The following KIAA0513 variants were observed in gnomAD, a reference collection of about 807,000 sequenced individuals.
KIAA0513 encodes the protein KIAA0513.
KIAA0513 carries 39 observed loss-of-function variants against 56.5 expected under a neutral mutation model. The ratio of observed to expected loss-of-function variants is 0.69; its 90% CI spans 0.53 to 0.90. KIAA0513 has a LOEUF of 0.90. KIAA0513 is among the 40% of genes least tolerant of loss of function. The pLI is 0.00. For missense variants in KIAA0513, 591 were observed against 535.2 expected, an observed-to-expected ratio of 1.10 and a Z score of -1.03; for synonymous variants, 268 against 215.6, an observed-to-expected ratio of 1.24 and a Z score of -2.13.
Position 85,067,070 on chromosome 16 carries a change from C to G in KIAA0513, c.-2C>G, listed in dbSNP as rs1254082072. ...CAGCCTCACCAGCAGCTCCCCTGAG[C>G]CATGGAGACCCCAGAGGTCCCCGTG... On this transcript the variant is annotated 5_prime_UTR_variant, in exon 2 of 13. Coordinates refer to ENST00000683363, the MANE Select transcript of KIAA0513 (RefSeq NM_001388359.1). 1.3e-6 allele frequency: 2 copies of G among 1,559,700 alleles called. No homozygotes were observed. The highest frequency in any genetic ancestry group is 2.7e-5 in the African/African-American group (2 of 73,964).
intron 1 of KIAA0513, among the ~76,000 whole-genome samples, chr16:85,060,738 G>A (rs562930340): frequency 6.6e-6 from 1 of 151,982 alleles, no homozygotes; most frequent in East Asian, 1.9e-4. Context: ...CAGCTACTCA[G>A]GAGGCTGAGA....
rs1473146048 is a variant in KIAA0513 at position 85,075,101 on chromosome 16, A to T, written c.504-743A>T. On this transcript the variant is annotated intron_variant, in intron 4 of 12. Transcript: ENST00000683363. ...AGACAATATGGGATTTTTTAGTTTTATAATCTTTAGTTTGTTAAACATCTA... is the reference window on the plus strand; with the variant it reads ...AGACAATATGGGATTTTTTAGTTTTTTAATCTTTAGTTTGTTAAACATCTA... 4.7e-5 allele frequency among the ~76,000 whole-genome samples: 7 copies of T among 149,720 alleles called. No homozygotes were observed. The East Asian group carries it at 1.3e-3, about 29-fold the overall frequency.
intron 1 of KIAA0513, among the ~76,000 whole-genome samples, chr16:85,052,165 C>G (rs991555623): frequency 5.9e-5 from 9 of 151,964 alleles, no homozygotes; most frequent in African/African-American, 2.2e-4. Context: ...ACTAAAAATA[C>G]AAAAATTAGC....
Position 85,081,521 on chromosome 16 carries a change from A to C in KIAA0513, c.980+129A>C, listed in dbSNP as rs928533342. 5 of 836,686 alleles carry C rather than the reference A, an allele frequency of 6.0e-6. No homozygotes were observed. Among genetic ancestry groups the C allele is most frequent in the Non-Finnish European group, 9.8e-6 (5 of 508,174 alleles). 51.8% of individuals were successfully genotyped at this position (836,686 alleles called of 1,614,324 possible). A position where few individuals can be genotyped will look rare whatever the true frequency, so the allele number is the denominator to read the frequency against. ...GTGTCTGTTTTTTCTTCACCCCCTC[A>C]TGGCCCTGGTGCCTCGCAAGCTGCC... is the stretch of plus-strand genomic sequence containing the variant. On this transcript the variant is annotated intron_variant, in intron 9 of 12. Coordinates refer to ENST00000683363, the MANE Select transcript of KIAA0513 (RefSeq NM_001388359.1). This position sits in a 1 kb window ranked among gnomAD's most constrained non-coding sequence, Gnocchi z 4.4.
At chr16:85,039,792 T>C (rs2073081618) in intron 1 of KIAA0513, among the ~76,000 whole-genome samples, 2 of 151,764 alleles carry the variant, frequency 1.3e-5, no homozygotes, top group South Asian at 4.2e-4. Context: ...TTTATTGGGT[T>C]TGGTTTTTCC....
intron 1 of KIAA0513, among the ~76,000 whole-genome samples, chr16:85,061,832 G>A (rs933587554): frequency 1.3e-5 from 2 of 152,206 alleles, no homozygotes; most frequent in African/African-American, 4.8e-5. Flanking sequence ...TGGGGCGGAA[G>A]GGGTTGCAGC....
chr16:85,042,607 A>C (rs1445558460), intron 1 of KIAA0513, among the ~76,000 whole-genome samples: 1 of 152,226 alleles, frequency 6.6e-6, no homozygotes, highest in Admixed American at 6.5e-5. Context: ...CTCATATGTT[A>C]CTGGAGAATG....
chr16:85,061,219 C>T (rs1017561383), intron 1 of KIAA0513, among the ~76,000 whole-genome samples: 3 of 152,032 alleles, frequency 2.0e-5, no homozygotes, highest in African/African-American at 7.2e-5. Flanking sequence ...TTGCTGCAGA[C>T]AGACTTTTGG....
At chr16:85,060,732 T>A (rs1362480888) in intron 1 of KIAA0513, among the ~76,000 whole-genome samples, 1 of 151,452 alleles carries the variant, frequency 6.6e-6, no homozygotes, top group Non-Finnish European at 1.5e-5. Context: ...TAGTCCCAGC[T>A]ACTCAGGAGG....
At chr16:85,042,279 A>G (rs909937294) in intron 1 of KIAA0513, among the ~76,000 whole-genome samples, 1 of 152,190 alleles carries the variant, frequency 6.6e-6, no homozygotes, top group Non-Finnish European at 1.5e-5. Context: ...TGGGATATCA[A>G]ATTGCTAATC....
chr16:85,084,724 C>T (rs1049594245), intron 10 of KIAA0513, among the ~76,000 whole-genome samples: 6 of 150,928 alleles, frequency 4.0e-5, no homozygotes, highest in South Asian at 2.1e-4. Flanking sequence ...CCACTGCGCC[C>T]GGCCTAATTT....
At chr16:85,033,726 G>A (rs2072997972) in intron 1 of KIAA0513, among the ~76,000 whole-genome samples, 1 of 152,290 alleles carries the variant, frequency 6.6e-6, no homozygotes, top group Middle Eastern at 3.4e-3. Context: ...TCTGGTGACT[G>A]GCACTGGCAC....
At chr16:85,053,707 T>G (rs1217569552) in intron 1 of KIAA0513, among the ~76,000 whole-genome samples, 1 of 151,964 alleles carries the variant, frequency 6.6e-6, no homozygotes, top group East Asian at 1.9e-4. Context: ...AAAAAAATTT[T>G]TAAGGCCAGG....
In KIAA0513 at chr16:85,081,458, G is replaced by A; in HGVS notation, c.980+66G>A. On this transcript the variant is annotated intron_variant, in intron 9 of 12. Transcript: ENST00000683363. This position sits in a 1 kb window ranked among gnomAD's most constrained non-coding sequence, Gnocchi z 4.4. ...GACCAGGGAGTGGCTTTATTTCCCG[G>A]TTTCGGAAGAGGAGAGCAGAAGAGC... is the stretch of plus-strand genomic sequence containing the variant. 2 of 1,393,936 alleles carry A rather than the reference G, an allele frequency of 1.4e-6. No homozygotes were observed. Among genetic ancestry groups the A allele is most frequent in the Non-Finnish European group, 2.0e-6 (2 of 1,003,756 alleles). 86.3% of individuals were successfully genotyped at this position (1,393,936 alleles called of 1,614,324 possible).
chr16:85,066,870 C>G (rs1372813918), intron 1 of KIAA0513, 30 bp from the exon 2 acceptor site: 4 of 507,876 alleles, frequency 7.9e-6, no homozygotes, highest in African/African-American at 5.8e-5. Context: ...AGGAGTGGCG[C>G]TAATGTCTGT....
chr16:85,049,426 G>T (rs74033925), intron 1 of KIAA0513, among the ~76,000 whole-genome samples: 10,253 of 152,190 alleles, frequency 0.067, 384 homozygotes, highest in Middle Eastern at 0.085. Flanking sequence ...TTGGTTCTGC[G>T]TCCCCACCCA....
Position 85,076,909 on chromosome 16 carries a change from T to C in KIAA0513, c.575-516T>C, listed in dbSNP as rs1330452869. On this transcript the variant is annotated intron_variant, in intron 5 of 12. Transcript: ENST00000683363. This position sits in a 1 kb window ranked among gnomAD's most constrained non-coding sequence, Gnocchi z 4.7. ...CCCACTGGGACCTGCAGAGGGCCTT[T>C]GACCTATAGTGGGCACTGAGGCCCG... 6.6e-6 allele frequency among the ~76,000 whole-genome samples: 1 copy of C among 152,226 alleles called. No homozygotes were observed. The highest frequency in any genetic ancestry group is 1.5e-5 in the Non-Finnish European group (1 of 68,034).
Position 85,080,322 on chromosome 16 carries a change from C to T in KIAA0513, c.903-993C>T, listed in dbSNP as rs149607135. On this transcript the variant is annotated intron_variant, in intron 8 of 12. Coordinates refer to ENST00000683363, the MANE Select transcript of KIAA0513 (RefSeq NM_001388359.1). Reference sequence around the variant, plus strand: ...CAGATAATAAATATGTTAGACTTTGCGGGCCAGATGGTCTCTGCTGCAGCC... The same window carrying T: ...CAGATAATAAATATGTTAGACTTTGTGGGCCAGATGGTCTCTGCTGCAGCC... Among the ~76,000 whole-genome samples, 1,207 of 152,266 alleles carry T rather than the reference C, an allele frequency of 7.9e-3. 11 individuals are homozygous for T. The highest frequency in any genetic ancestry group is 0.041 in the Middle Eastern group (12 of 294).
intron 1 of KIAA0513, among the ~76,000 whole-genome samples, chr16:85,043,900 C>T (rs1257511499): frequency 1.3e-5 from 2 of 152,138 alleles, no homozygotes; most frequent in African/African-American, 2.4e-5. Flanking sequence ...GGCGAGGTGG[C>T]GCATGCCTGT....
Sources: allele counts gnomAD v4.1 joint callset (sites outside exome capture counted in the v4.1 genomes callset), GRCh38; gene constraint gnomAD v4.1.1; non-coding constraint Gnocchi (gnomAD v3.1); transcripts MANE v1.5; gene names NCBI Gene and HGNC (gene_info 2026-07-23, HGNC 2026-07-21).